Variants in RHBDF2 observed in about 807,000 individuals in gnomAD.
RHBDF2 encodes the protein rhomboid 5 homolog 2.
A neutral mutation model predicts 95.2 loss-of-function variants in RHBDF2; 38 were observed. The observed-to-expected ratio is 0.40, with a 90% CI of 0.31 to 0.52. The LOEUF (loss-of-function observed/expected upper bound fraction) is 0.52. Among genes scored for constraint, RHBDF2 ranks in the 20% least tolerant of loss-of-function variants. RHBDF2 has a pLI of 0.56. For synonymous variants in RHBDF2, 442 were observed against 462.0 expected, an observed-to-expected ratio of 0.96 and a Z score of 0.55; for missense variants, 863 against 1,137.7, an observed-to-expected ratio of 0.76 and a Z score of 3.47.
intron 1 of RHBDF2, among the ~76,000 whole-genome samples, chr17:76,496,484 G>A (rs563400268): frequency 6.6e-6 from 1 of 152,354 alleles, no homozygotes; most frequent in South Asian, 2.1e-4. Context: ...AAGAACGGGT[G>A]AGGACTCTGA....
In RHBDF2 at chr17:76,471,608, G is replaced by A. The variant is rs1232592120; in HGVS notation, c.*25C>T. ...AGGCAGACCCTGTTCCAGCAGGGCT[G>A]AGGGGCAGCCGTGTGGCCCAGCGGT... is the stretch of plus-strand genomic sequence containing the variant. On this transcript the variant is annotated 3_prime_UTR_variant, in exon 19 of 19. Coordinates refer to ENST00000675367, the MANE Select transcript of RHBDF2 (RefSeq NM_001005498.4). 5 of 1,560,348 alleles carry A rather than the reference G, an allele frequency of 3.2e-6. No homozygotes were observed. Among genetic ancestry groups the A allele is most frequent in the Non-Finnish European group, 4.3e-6 (5 of 1,151,546 alleles).
intron 1 of RHBDF2, among the ~76,000 whole-genome samples, chr17:76,494,125 G>C (rs1228696131): frequency 6.6e-6 from 1 of 152,042 alleles, no homozygotes; most frequent in South Asian, 2.1e-4. Flanking sequence ...TGTGTGTTGC[G>C]GGGGGCTGGG....
In RHBDF2 at chr17:76,471,953, T is replaced by C; in HGVS notation, c.2164A>G (p.Asn722Asp). The change falls in exon 19 of 19, where the codon AAC (asparagine) becomes GAC (aspartate). Residue 722 changes from asparagine to aspartate, a missense_variant. Physicochemically the swap from Asn to Asp is conservative, Grantham distance 23. Coordinates refer to ENST00000675367, the MANE Select transcript of RHBDF2 (RefSeq NM_001005498.4). ...AGGAAGAGCACGATGGCCGAGAGGT[T>C]GAGGAAGGCCTTCCAGGGCCTCTCC... is the stretch of plus-strand genomic sequence containing the variant. ...LLERPWKAFL[N>D]LSAIVLFLFI... 1 of 1,571,450 alleles carries C rather than the reference T, an allele frequency of 6.4e-7. No individual in the cohort carries two copies. Among genetic ancestry groups the C allele is most frequent in the African/African-American group, 1.3e-5 (1 of 74,294 alleles).
rs1012638550 is a variant in RHBDF2 at position 76,474,483 on chromosome 17, C to G, written c.1354G>C (p.Gly452Arg). 3.1e-6 allele frequency: 5 copies of G among 1,614,160 alleles called. No homozygotes were observed. The highest frequency in any genetic ancestry group is 4.2e-6 in the Non-Finnish European group (5 of 1,180,010). Residue 452 changes from glycine (G) to arginine (R), a missense_variant, in exon 12 of 19, where the codon GGG (glycine) becomes CGG (arginine). Transcript: ENST00000675367. ...AKFSPCIRKDGQIEQLVLRER... is the reference protein window; with the variant it reads ...AKFSPCIRKDRQIEQLVLRER... ...CGCAGCACCAGCTGCTCGATCTGCC[C>G]GTCCTTCCGGATGCAGGGTGAGAAC...
At chr17:76,489,171 C>A (rs1259216262) in intron 1 of RHBDF2, among the ~76,000 whole-genome samples, 1 of 152,096 alleles carries the variant, frequency 6.6e-6, no homozygotes, top group Non-Finnish European at 1.5e-5. Context: ...ATTTAACATT[C>A]AAAGTCCAGG....
chr17:76,497,283 G>A (rs2074449903), intron 1 of RHBDF2, among the ~76,000 whole-genome samples: 1 of 152,108 alleles, frequency 6.6e-6, no homozygotes, highest in East Asian at 1.9e-4. Context: ...CACAGCTGAG[G>A]GGCACCAACT....
At chr17:76,484,060 G>A (rs982445669) in intron 2 of RHBDF2, among the ~76,000 whole-genome samples, 6 of 152,044 alleles carry the variant, frequency 3.9e-5, no homozygotes, top group Non-Finnish European at 5.9e-5. Context: ...TCGGGAGTTC[G>A]AGACCAGCAT....
At chr17:76,494,246 C>T (rs540370522) in intron 1 of RHBDF2, among the ~76,000 whole-genome samples, 5 of 152,312 alleles carry the variant, frequency 3.3e-5, no homozygotes, top group East Asian at 1.9e-4. Context: ...GATACAAATG[C>T]CCCCTCCTCG....
In RHBDF2 at chr17:76,477,649, A is replaced by C; in HGVS notation, c.801+8T>G. ...CCCAACTCCTGCTGTCCCACACCCCATGCTTGCCTTACTAAAAAAGGAGGA... is the reference window on the plus strand; with the variant it reads ...CCCAACTCCTGCTGTCCCACACCCCCTGCTTGCCTTACTAAAAAAGGAGGA... On this transcript the variant is annotated splice_region_variant and intron_variant, in intron 7 of 18. Coordinates refer to ENST00000675367, the MANE Select transcript of RHBDF2 (RefSeq NM_001005498.4). 6.2e-7 allele frequency: 1 copy of C among 1,613,824 alleles called. No individual in the cohort carries two copies. The highest frequency in any genetic ancestry group is 8.5e-7 in the Non-Finnish European group (1 of 1,179,858).
intron 6 of RHBDF2, among the ~76,000 whole-genome samples, chr17:76,478,529 A>G (rs1440630791): frequency 6.6e-6 from 1 of 152,204 alleles, no homozygotes; most frequent in Non-Finnish European, 1.5e-5. Context: ...GCAAGTATGC[A>G]TCTCACTTCC....
At chr17:76,478,133 CCT>C (rs1248003902) in intron 6 of RHBDF2, among the ~76,000 whole-genome samples, 2 of 152,222 alleles carry the variant, frequency 1.3e-5, no homozygotes, top group African/African-American at 2.4e-5. Context: ...GCCATGTCTC[CCT>C]GTCCCTGTTT....
chr17:76,481,040 A>G (rs2073947479), intron 3 of RHBDF2, among the ~76,000 whole-genome samples: 1 of 152,188 alleles, frequency 6.6e-6, no homozygotes, highest in Non-Finnish European at 1.5e-5. Context: ...CATGTCAAAG[A>G]AAGCCCCCAG....
chr17:76,478,924 G>A lies in RHBDF2; in HGVS notation c.554C>T (p.Pro185Leu). 6.2e-7 allele frequency: 1 copy of A among 1,607,156 alleles called. No individual in the cohort carries two copies. Among genetic ancestry groups the A allele is most frequent in the Non-Finnish European group, 8.5e-7 (1 of 1,176,370 alleles). Residue 185 changes from proline to leucine, a missense_variant, in exon 6 of 19, where the codon CCC becomes CTC. This residue lies in a region of RHBDF2 where 611 missense variants were observed against 725.5 expected (regional missense o/e 0.84). Transcript: ENST00000675367. ...GAAGGAGGTGAGGGACAGGACTCCG[G>A]GGGTCAGCGGTGGGTGCGGGGCGTG... ...RPHAPHPPLT[P>L]GVLSLTSFTS...
Position 76,471,689 on chromosome 17 carries a change from A to G in RHBDF2, c.2428T>C (p.Phe810Leu). The G allele has an allele frequency of 6.2e-7, 1 of 1,610,714 alleles. No individual in the cohort carries two copies. The highest frequency in any genetic ancestry group is 8.5e-7 in the Non-Finnish European group (1 of 1,178,796). The change falls in exon 19 of 19, where the codon TTC (phenylalanine) becomes CTC (leucine). Residue 810 changes from phenylalanine to leucine, a missense_variant. Around this residue, in one of 2 missense-constraint regions of RHBDF2, gnomAD observed 252 missense variants for 412.2 expected, o/e 0.61. Coordinates refer to ENST00000675367, the MANE Select transcript of RHBDF2 (RefSeq NM_001005498.4). Reference protein sequence around the residue: ...NWPWIEHLTCFPFTSRFCEKY... With the variant: ...NWPWIEHLTCLPFTSRFCEKY... ...TCGCAGAAGCGGCTGGTGAAGGGGAAGCAGGTGAGGTGCTCGATCCAGGGC... is the reference window on the plus strand; with the variant it reads ...TCGCAGAAGCGGCTGGTGAAGGGGAGGCAGGTGAGGTGCTCGATCCAGGGC...
chr17:76,484,602 G>A (rs924565871), intron 2 of RHBDF2, among the ~76,000 whole-genome samples: 7 of 151,020 alleles, frequency 4.6e-5, no homozygotes, highest in South Asian at 2.1e-4. Context: ...ATCATTCTCC[G>A]CACCGCAGCT....
chr17:76,490,823 GCCCTACTAGGAAAGTAA>G (rs952010035), intron 1 of RHBDF2, among the ~76,000 whole-genome samples: 6 of 152,156 alleles, frequency 3.9e-5, no homozygotes, highest in Admixed American at 2.0e-4. Context: ...GCCTGGCCAA[GCCCTACTAGGAAAGTAA>G]AATGTCACCT....
chr17:76,472,638 G>A lies in RHBDF2; in HGVS notation c.2064+48C>T, dbSNP rs373382496. The A allele has an allele frequency of 1.2e-4, 194 of 1,612,170 alleles. No homozygotes were observed. In the African/African-American group the frequency reaches 1.4e-3, roughly 12 times the overall value. On this transcript the variant is annotated intron_variant, in intron 18 of 18. Transcript: ENST00000675367. Reference sequence around the variant, plus strand: ...CCAGGTGGGTGGAATAGGAGCAGCAGGGCTGGCCCCCTATGTGCGGAAGGG... The same window carrying A: ...CCAGGTGGGTGGAATAGGAGCAGCAAGGCTGGCCCCCTATGTGCGGAAGGG...
chr17:76,482,679 A>T (rs1046096907), intron 2 of RHBDF2, among the ~76,000 whole-genome samples: 8 of 152,088 alleles, frequency 5.3e-5, no homozygotes, highest in African/African-American at 1.7e-4. Flanking sequence ...AGGCTGAGGC[A>T]CGAGAATTGC....
At chr17:76,488,700 G>A (rs1453884374) in intron 1 of RHBDF2, among the ~76,000 whole-genome samples, 1 of 152,162 alleles carries the variant, frequency 6.6e-6, no homozygotes, top group Non-Finnish European at 1.5e-5. Flanking sequence ...TGTAATCCCA[G>A]CACTTTGGGA....
Sources: gnomAD v4.1 joint callset for allele counts (sites outside exome capture counted in the v4.1 genomes callset) on GRCh38, gnomAD v4.1.1 for gene constraint, gnomAD v4.1.1 regional missense constraint, MANE v1.5 for transcripts, NCBI Gene and HGNC (gene_info 2026-07-23, HGNC 2026-07-21) for gene names.